ITGA8: variants seen among roughly 807,000 people sequenced by gnomAD.
ITGA8 encodes integrin alpha-8.
In ITGA8, 91 loss-of-function variants were observed where a neutral mutation model predicts 142.3. The ratio of observed to expected loss-of-function variants is 0.64; its 90% CI spans 0.54 to 0.76. The LOEUF is 0.76. Ranked by LOEUF, ITGA8 falls within the 30% of genes least tolerant of loss-of-function variation. ITGA8 has a pLI of 0.00. For synonymous variants in ITGA8, 505 were observed against 485.2 expected (o/e 1.04, Z -0.54); for missense variants, 1,406 against 1,327.7 (o/e 1.06, Z -0.92).
Position 15,672,730 on chromosome 10 carries a change from A to T in ITGA8, c.696T>A (p.Ser232Arg), listed in dbSNP as rs750914884. The change falls in exon 7 of 30, where the codon AGT (serine) becomes AGA (arginine). Residue 232 changes from serine (S) to arginine (R), a missense_variant. Transcript: ENST00000378076. Reference sequence around the variant, plus strand: ...AGTAATTTGCAATGATATCTGCAACACTGGCAGTGATCACTTGTCCTGTGT... The same window carrying T: ...AGTAATTTGCAATGATATCTGCAACTCTGGCAGTGATCACTTGTCCTGTGT... ...FYWQGQVITA[S>R]VADIIANYSF... The T allele has an allele frequency of 1.2e-6, 2 of 1,610,850 alleles. No homozygotes were observed. The highest frequency in any genetic ancestry group is 3.4e-5 in the Admixed American group (2 of 59,378).
rs760353727 is a variant in ITGA8 at position 15,605,842 on chromosome 10, A to G, written c.1903-51T>C. The G allele has an allele frequency of 2.6e-6, 4 of 1,539,134 alleles. No homozygotes were observed. In the Admixed American group the frequency reaches 6.7e-5, roughly 26 times the overall value. On this transcript the variant is annotated intron_variant, in intron 18 of 29. Coordinates refer to ENST00000378076, the MANE Select transcript of ITGA8 (RefSeq NM_003638.3). ...AACAATCTAGGAAAATCTGATTCAC[A>G]TCCTTTTTCTTGAAAATTCTGAATG...
intron 8 of ITGA8, among the ~76,000 whole-genome samples, chr10:15,662,326 C>CTTTT (rs200922550): frequency 0.083 from 5,999 of 72,404 alleles, 606 homozygotes; most frequent in African/African-American, 0.09. Context: ...TCAGAAGGTC[C>CTTTT]TTTTTTTTTT....
chr10:15,694,913 GA>G (rs1835023577), intron 2 of ITGA8, among the ~76,000 whole-genome samples: 1 of 151,634 alleles, frequency 6.6e-6, no homozygotes, highest in South Asian at 2.1e-4. Flanking sequence ...TACTAACCAC[GA>G]AAAGGAGACC....
In ITGA8 at chr10:15,531,133, C is replaced by A. The variant is rs1833283120; in HGVS notation, c.2899G>T (p.Ala967Ser). The change falls in exon 28 of 30, where the codon GCT (alanine) becomes TCT (serine). Residue 967 changes from alanine to serine, a missense_variant. Transcript: ENST00000378076. ...TFLQRKNDPY[A>S]LASLVSFEVK... ...TCAAAGGACACCAGGGATGCAAGAG[C>A]ATAGGGATCATTTTTTCTCTGAAAG... is the stretch of plus-strand genomic sequence containing the variant. 6.6e-7 allele frequency: 1 copy of A among 1,519,996 alleles called. No individual in the cohort carries two copies. Among genetic ancestry groups the A allele is most frequent in the Non-Finnish European group, 8.8e-7 (1 of 1,138,322 alleles). 94.2% of individuals were successfully genotyped at this position (1,519,996 alleles called of 1,614,324 possible). A position where few individuals can be genotyped will look rare whatever the true frequency, so the allele number is the denominator to read the frequency against.
At chr10:15,550,336 C>G (rs1047464668) in intron 26 of ITGA8, among the ~76,000 whole-genome samples, 13 of 152,192 alleles carry the variant, frequency 8.5e-5, no homozygotes, top group Non-Finnish European at 1.6e-4. Context: ...CAGGTACCCA[C>G]AGCAGGAACA....
At position 15,646,989 on chromosome 10, in the gene ITGA8, C is replaced by G; in HGVS notation, c.1064G>C (p.Arg355Thr). The change falls in exon 12 of 30, where the codon AGA (arginine) becomes ACA (threonine). Residue 355 changes from arginine (R) to threonine (T), a missense_variant. By Grantham distance (71) the Arg-to-Thr change is moderately conservative. Transcript: ENST00000378076. ...FMEREFESNPREVGQIYLYLQ... is the reference protein window; with the variant it reads ...FMEREFESNPTEVGQIYLYLQ... ...ATACAGGTAGATTTGCCCTACTTCT[C>G]TGGGGTTGCTCTCAAATTCACGTTC... 1.9e-6 allele frequency: 3 copies of G among 1,614,130 alleles called. No homozygotes were observed. The highest frequency in any genetic ancestry group is 2.5e-6 in the Non-Finnish European group (3 of 1,180,034).
At chr10:15,660,580 CTTTGAAT>C (rs1181320647) in intron 9 of ITGA8, among the ~76,000 whole-genome samples, 3 of 152,266 alleles carry the variant, frequency 2.0e-5, no homozygotes, top group South Asian at 2.1e-4. Flanking sequence ...AATAATCATA[CTTTGAAT>C]TTTGAGTTTT....
In ITGA8 at chr10:15,568,701, A is replaced by C. The variant is rs117436872; in HGVS notation, c.2637+3510T>G. Among the ~76,000 whole-genome samples, 237 of 152,376 alleles carry C rather than the reference A, an allele frequency of 1.6e-3. 5 individuals carry two copies. The East Asian group carries it at 0.024, about 15-fold the overall frequency. The stretch of plus-strand genomic sequence containing the variant: ...TAAATGGTGTTTCAGTTCTCAAGCC[A>C]GTCCACAAAAACCCAACTTAATCCT... On this transcript the variant is annotated intron_variant, in intron 25 of 29. Transcript: ENST00000378076.
At chr10:15,604,604 T>C (rs1008512061) in intron 19 of ITGA8, among the ~76,000 whole-genome samples, 4 of 146,928 alleles carry the variant, frequency 2.7e-5, no homozygotes, top group Admixed American at 6.8e-5. Context: ...AAAAAAAGGA[T>C]TGATTTATAG....
At chr10:15,531,782 C>CCG (rs1317317862) in intron 27 of ITGA8, among the ~76,000 whole-genome samples, 21 of 98,784 alleles carry the variant, frequency 2.1e-4, no homozygotes, top group African/African-American at 5.0e-4. Context: ...TACTAAAAAC[C>CCG]AGAAAAAAAA....
chr10:15,610,630 C>G (rs568141340), intron 15 of ITGA8, among the ~76,000 whole-genome samples: 3 of 152,246 alleles, frequency 2.0e-5, no homozygotes, highest in African/African-American at 2.4e-5. Flanking sequence ...GAGGCTAGTC[C>G]CAACCCAAGC....
chr10:15,653,590 T>C (rs927037248), intron 11 of ITGA8, among the ~76,000 whole-genome samples: 15 of 152,162 alleles, frequency 9.9e-5, no homozygotes, highest in Non-Finnish European at 1.9e-4. Flanking sequence ...AGGACACATA[T>C]CCACTATTAC....
intron 13 of ITGA8, 27 bp from the exon 14 acceptor site, chr10:15,616,586 A>T: frequency 6.3e-7 from 1 of 1,599,354 alleles, no homozygotes; most frequent in Non-Finnish European, 8.6e-7. Flanking sequence ...CACAGAACAC[A>T]TGCGTGAATC....
In ITGA8 at chr10:15,561,271, T is replaced by C. The variant is rs946389344; in HGVS notation, c.2638-3069A>G. ...TATATATATGTATGTAAAATGTTTATGGATGTGGAAAAATAAGTTAATGCA... is the reference window on the plus strand; with the variant it reads ...TATATATATGTATGTAAAATGTTTACGGATGTGGAAAAATAAGTTAATGCA... On this transcript the variant is annotated intron_variant, in intron 25 of 29. Coordinates refer to ENST00000378076, the MANE Select transcript of ITGA8 (RefSeq NM_003638.3). Among the ~76,000 whole-genome samples the C allele has an allele frequency of 4.8e-5, 7 of 146,298 alleles. No individual in the cohort carries two copies. In the East Asian group the frequency reaches 8.0e-4, roughly 17 times the overall value.
chr10:15,678,089 C>T (rs565784057), intron 5 of ITGA8, among the ~76,000 whole-genome samples: 4 of 152,294 alleles, frequency 2.6e-5, no homozygotes, highest in African/African-American at 9.6e-5. Context: ...AGAGCAAACA[C>T]TCCAGACTAG....
At chr10:15,670,805 G>A (rs776559800) in intron 8 of ITGA8, among the ~76,000 whole-genome samples, 6 of 152,112 alleles carry the variant, frequency 3.9e-5, no homozygotes, top group East Asian at 1.9e-4. Context: ...CCGTAAAACC[G>A]GACATGAGCT....
chr10:15,548,351 C>G, intron 27 of ITGA8, 104 bp downstream of exon 27: 2 of 779,346 alleles, frequency 2.6e-6, no homozygotes, highest in East Asian at 5.7e-5. Context: ...CCTCGGACTT[C>G]CACAGTGTTA....
chr10:15,564,359 C>T (rs1834035880), intron 25 of ITGA8, among the ~76,000 whole-genome samples: 1 of 152,198 alleles, frequency 6.6e-6, no homozygotes, highest in African/African-American at 2.4e-5. Flanking sequence ...GACAGTGAAC[C>T]TACAGGCCAT....
At position 15,548,618 on chromosome 10, in the gene ITGA8, C is replaced by G. The variant is rs932501974; in HGVS notation, c.2767-50G>C. On this transcript the variant is annotated intron_variant, in intron 26 of 29. Coordinates refer to ENST00000378076, the MANE Select transcript of ITGA8 (RefSeq NM_003638.3). ...CAGAGTCTTTAAATCATGGTAGAGA[C>G]TGAACACTGAAGTTAGCTTATTTAC... 1.3e-5 allele frequency: 15 copies of G among 1,134,018 alleles called. No homozygotes were observed. In the East Asian group the frequency reaches 3.7e-4, roughly 28 times the overall value. 70.2% of individuals were successfully genotyped at this position (1,134,018 alleles called of 1,614,324 possible).
Sources: allele counts gnomAD v4.1 joint callset (sites outside exome capture counted in the v4.1 genomes callset), GRCh38; gene constraint gnomAD v4.1.1; transcripts MANE v1.5; gene names NCBI Gene and HGNC (gene_info 2026-07-23, HGNC 2026-07-21).